The following EIF4EBP1 variants were observed in gnomAD, a reference collection of about 807,000 sequenced individuals.
EIF4EBP1 encodes eukaryotic translation initiation factor 4E binding protein 1.
Under a neutral mutation model 9.2 loss-of-function variants are expected in EIF4EBP1, and 5 were observed. The observed-to-expected ratio is 0.54, with a 90% CI of 0.28 to 1.14. EIF4EBP1 has a LOEUF of 1.14. EIF4EBP1 is among the 50% of genes most tolerant of loss of function. The probability of loss-of-function intolerance (pLI) is 0.09; values close to 1 mark genes in which losing one functional copy is unlikely to be tolerated. For synonymous variants in EIF4EBP1, 62 were observed against 67.0 expected (o/e 0.93, Z 0.36); for missense variants, 139 against 169.6 (o/e 0.82, Z 1.00).
rs1300128399 is a variant in EIF4EBP1 at position 38,030,553 on chromosome 8, G to T, written c.-21G>T. 2 of 1,495,534 alleles carry T rather than the reference G, an allele frequency of 1.3e-6. No individual in the cohort carries two copies. The highest frequency in any genetic ancestry group is 1.5e-5 in the African/African-American group (1 of 68,820). 92.6% of individuals were successfully genotyped at this position (1,495,534 alleles called of 1,614,324 possible). A position where few individuals can be genotyped will look rare whatever the true frequency, so the allele number is the denominator to read the frequency against. On this transcript the variant is annotated 5_prime_UTR_variant, in exon 1 of 3. Transcript: ENST00000338825. Reference sequence around the variant, plus strand: ...CGCGGGAGGGCAGCGAGAGGTTCGCGGGTGCAGCGCACAGGAGACCATGTC... The same window carrying T: ...CGCGGGAGGGCAGCGAGAGGTTCGCTGGTGCAGCGCACAGGAGACCATGTC...
At position 38,048,209 on chromosome 8, in the gene EIF4EBP1, G is replaced by A. The variant is rs1461962368; in HGVS notation, c.146-8872G>A. Among the ~76,000 whole-genome samples, 4 of 151,788 alleles carry A rather than the reference G, an allele frequency of 2.6e-5. 1 individual carries two copies. Among genetic ancestry groups the A allele is most frequent in the Admixed American group, 2.0e-4 (3 of 15,208 alleles). ...ATCACCTGAGCCCAGGAGGTCCAAG[G>A]TTGCAGTGAGCCATGATGGCACCAC... On this transcript the variant is annotated intron_variant, in intron 1 of 2. Transcript: ENST00000338825.
chr8:38,059,934 A>G lies in EIF4EBP1; in HGVS notation c.356A>G (p.Ter119=). 6.2e-7 allele frequency: 1 copy of G among 1,614,206 alleles called. No individual in the cohort carries two copies. Among genetic ancestry groups the G allele is most frequent in the Non-Finnish European group, 8.5e-7 (1 of 1,180,014 alleles). ...GAGTCACAGTTTGAGATGGACATTT[A>G]AAGCACCAGCCATCGTGTGGAGCAC... The part of the protein sequence containing the change: ...GEESQFEMDI[*] The change falls in exon 3 of 3, where the codon TAA becomes TGA. Residue 119 remains the stop codon, a stop_retained_variant. Coordinates refer to ENST00000338825, the MANE Select transcript of EIF4EBP1 (RefSeq NM_004095.4).
In EIF4EBP1 at chr8:38,030,684, C is replaced by A; in HGVS notation, c.111C>A (p.Thr37=). The A allele has an allele frequency of 6.8e-7, 1 of 1,481,388 alleles. No homozygotes were observed. The allele number at this position is 1,481,388 out of a possible 1,614,324, so 91.8% of individuals were successfully genotyped here. Reference sequence around the variant, plus strand: ...TCCCGCCCGGGGACTACAGCACGACCCCCGGCGGCACGCTCTTCAGCACCA... The same window carrying A: ...TCCCGCCCGGGGACTACAGCACGACACCCGGCGGCACGCTCTTCAGCACCA... ...VQLPPGDYST[T]PGGTLFSTTP... is the part of the protein sequence containing the mutation. The change falls in exon 1 of 3, where the codon ACC becomes ACA. Residue 37 remains threonine, a synonymous_variant. Transcript: ENST00000338825.
chr8:38,037,088 C>G lies in EIF4EBP1; in HGVS notation c.145+6370C>G, dbSNP rs116887373. Among the ~76,000 whole-genome samples the G allele has an allele frequency of 6.9e-3, 1,043 of 152,214 alleles. 4 individuals are homozygous for G. The highest frequency in any genetic ancestry group is 0.01 in the Non-Finnish European group (688 of 68,012). ...AAAAACCTGTTTCTTTCTGGTCTGA[C>G]TTAGACCCATGCCTGGGGTCTCTCT... On this transcript the variant is annotated intron_variant, in intron 1 of 2. Transcript: ENST00000338825.
At chr8:38,034,347 C>T (rs1166222067) in intron 1 of EIF4EBP1, among the ~76,000 whole-genome samples, 1 of 152,164 alleles carries the variant, frequency 6.6e-6, no homozygotes, top group Non-Finnish European at 1.5e-5. Flanking sequence ...CTCACCTGGC[C>T]TCCAGTTTGC....
intron 1 of EIF4EBP1, among the ~76,000 whole-genome samples, chr8:38,049,960 G>A (rs958045154): frequency 1.3e-5 from 2 of 151,216 alleles, no homozygotes; most frequent in African/African-American, 2.4e-5. Flanking sequence ...CCCCAGGCCC[G>A]GAGTGCAGTG....
chr8:38,034,801 T>A (rs113237053), intron 1 of EIF4EBP1, among the ~76,000 whole-genome samples: 9 of 152,184 alleles, frequency 5.9e-5, no homozygotes, highest in African/African-American at 2.2e-4. Flanking sequence ...AAGAAGGGGA[T>A]GTAGGCTGGG....
At chr8:38,055,811 A>G (rs923509135) in intron 1 of EIF4EBP1, among the ~76,000 whole-genome samples, 2 of 152,062 alleles carry the variant, frequency 1.3e-5, no homozygotes. Context: ...CCTGGCCAAC[A>G]TGGTGAAATC....
At chr8:38,053,828 T>C (rs962217211) in intron 1 of EIF4EBP1, among the ~76,000 whole-genome samples, 1 of 152,286 alleles carries the variant, frequency 6.6e-6, no homozygotes, top group Admixed American at 6.5e-5. Flanking sequence ...ATGATTTCAC[T>C]ATATAAGATA....
rs896090200 is a variant in EIF4EBP1, at chr8:38,060,346, C to T, written c.*411C>T. 3.3e-5 allele frequency: 9 copies of T among 271,442 alleles called. No homozygotes were observed. The highest frequency in any genetic ancestry group is 1.5e-4 in the African/African-American group (7 of 45,386). The allele number at this position is 271,442 out of a possible 1,614,324, so 16.8% of individuals were successfully genotyped here. A position where few individuals can be genotyped will look rare whatever the true frequency, so the allele number is the denominator to read the frequency against. On this transcript the variant is annotated 3_prime_UTR_variant, in exon 3 of 3. Transcript: ENST00000338825. ...TCCCCAAGAGAGGAAATAAAAGCCA[C>T]CTTCGCCCTAGGGCCAAGAGTTGGG...
chr8:38,056,954 C>A (rs550897798), intron 1 of EIF4EBP1, 127 bp from the exon 2 acceptor site: 2 of 968,286 alleles, frequency 2.1e-6, no homozygotes, highest in Admixed American at 2.0e-5. Context: ...TGAGCCACCG[C>A]ACCCAGCCTC....
At position 38,060,124 on chromosome 8, in the gene EIF4EBP1, C is replaced by T. The variant is rs1809654257; in HGVS notation, c.*189C>T. ...CTTCGTGAACACCAGCAGATACCTC[C>T]TTGTGCCTCCACTGATGCAGGAGCT... is the stretch of plus-strand genomic sequence containing the variant. On this transcript the variant is annotated 3_prime_UTR_variant, in exon 3 of 3. Coordinates refer to ENST00000338825, the MANE Select transcript of EIF4EBP1 (RefSeq NM_004095.4). 1 of 646,264 alleles carries T rather than the reference C, an allele frequency of 1.5e-6. No individual in the cohort carries two copies. Among genetic ancestry groups the T allele is most frequent in the Admixed American group, 2.4e-5 (1 of 41,394 alleles). The allele number at this position is 646,264 out of a possible 1,614,324, so 40.0% of individuals were successfully genotyped here. A position where few individuals can be genotyped will look rare whatever the true frequency, so the allele number is the denominator to read the frequency against.
At chr8:38,038,318 C>G (rs1325630582) in intron 1 of EIF4EBP1, among the ~76,000 whole-genome samples, 1 of 151,222 alleles carries the variant, frequency 6.6e-6, no homozygotes, top group Non-Finnish European at 1.5e-5. Flanking sequence ...ACCATCCTGG[C>G]TAACATGGTG....
intron 1 of EIF4EBP1, among the ~76,000 whole-genome samples, chr8:38,031,291 CG>C (rs909209297): frequency 6.6e-6 from 1 of 151,976 alleles, no homozygotes; most frequent in African/African-American, 2.4e-5. Flanking sequence ...GGGATCTCCG[CG>C]GGGGGGACCC....
intron 1 of EIF4EBP1, among the ~76,000 whole-genome samples, chr8:38,054,404 T>G (rs1203033649): frequency 6.6e-6 from 1 of 152,100 alleles, no homozygotes; most frequent in Non-Finnish European, 1.5e-5. Flanking sequence ...TGAGCCAAGA[T>G]TGTGCCACTG....
At chr8:38,035,690 A>ATTAT (rs930406902) in intron 1 of EIF4EBP1, among the ~76,000 whole-genome samples, 123 of 150,696 alleles carry the variant, frequency 8.2e-4, no homozygotes, top group East Asian at 6.1e-3. Context: ...TGCCCAGCTA[A>ATTAT]TTATTTATTT....
At chr8:38,055,499 G>A (rs996341060) in intron 1 of EIF4EBP1, among the ~76,000 whole-genome samples, 1 of 151,842 alleles carries the variant, frequency 6.6e-6, no homozygotes, top group Non-Finnish European at 1.5e-5. Flanking sequence ...TATTTTATCT[G>A]CACAATTATT....
chr8:38,035,897 T>TG (rs1176871629), intron 1 of EIF4EBP1, among the ~76,000 whole-genome samples: 1 of 150,338 alleles, frequency 6.7e-6, no homozygotes, highest in African/African-American at 2.5e-5. Context: ...TTAGTAGAGA[T>TG]GGGGTTTCAC....
chr8:38,050,206 C>T (rs2130393680), intron 1 of EIF4EBP1, among the ~76,000 whole-genome samples: 1 of 152,240 alleles, frequency 6.6e-6, no homozygotes, highest in Non-Finnish European at 1.5e-5. Context: ...ACCACTGCAC[C>T]CGGCCTCTTT....
Sources: gnomAD v4.1 joint callset for allele counts (sites outside exome capture counted in the v4.1 genomes callset) on GRCh38, gnomAD v4.1.1 for gene constraint, MANE v1.5 for transcripts, NCBI Gene and HGNC (gene_info 2026-07-23, HGNC 2026-07-21) for gene names.